Variants in ATXN1 observed in about 807,000 individuals in gnomAD.
ATXN1 encodes the protein ataxin-1.
In ATXN1, 8 loss-of-function variants were observed where a neutral mutation model predicts 56.4. That is an observed-to-expected ratio of 0.14 (90% confidence interval 0.08 to 0.26). ATXN1 has a LOEUF of 0.26. ATXN1 is among the 10% of genes least tolerant of loss of function. ATXN1 has a pLI of 1.00. For missense variants in ATXN1, 987 were observed against 1,106.5 expected (o/e 0.89, Z 1.53); for synonymous variants, 514 against 494.6 (o/e 1.04, Z -0.52).
At chr6:16,679,318 A>ATG (rs1758762022) in intron 2 of ATXN1, among the ~76,000 whole-genome samples, 2 of 72,812 alleles carry the variant, frequency 2.7e-5, no homozygotes, top group East Asian at 1.0e-3. Context: ...ATGGATGGAT[A>ATG]TATGGGTGGG....
At chr6:16,562,459 AGGAGAGGAG>A (rs1762139164) in intron 4 of ATXN1, among the ~76,000 whole-genome samples, 3 of 38,752 alleles carry the variant, frequency 7.7e-5, no homozygotes, top group African/African-American at 1.2e-4. Context: ...AGAAAAGGAG[AGGAGAGGAG>A]AGGAGAGGAG....
At chr6:16,335,291 G>A (rs1304748621) in intron 6 of ATXN1, among the ~76,000 whole-genome samples, 1 of 152,238 alleles carries the variant, frequency 6.6e-6, no homozygotes, top group Non-Finnish European at 1.5e-5. Flanking sequence ...GGCTCCTGAA[G>A]GGGACTGAAG....
chr6:16,756,016 G>A (rs1460811596), intron 1 of ATXN1, among the ~76,000 whole-genome samples: 3 of 151,954 alleles, frequency 2.0e-5, no homozygotes, highest in South Asian at 4.1e-4. Flanking sequence ...CTCTCTAAAC[G>A]TGTTTTGGTA....
At chr6:16,514,758 C>G (rs1226758201) in intron 5 of ATXN1, among the ~76,000 whole-genome samples, 1 of 151,914 alleles carries the variant, frequency 6.6e-6, no homozygotes, top group African/African-American at 2.4e-5. Context: ...CCAAGGTGGG[C>G]AGATCACGAG....
At chr6:16,544,532 A>G (rs1473603571) in intron 4 of ATXN1, among the ~76,000 whole-genome samples, 1 of 152,154 alleles carries the variant, frequency 6.6e-6, no homozygotes, top group Non-Finnish European at 1.5e-5. Context: ...TGTGTATTCA[A>G]TTCTCTGAGT....
chr6:16,381,102 C>T (rs1758099531), intron 6 of ATXN1, among the ~76,000 whole-genome samples: 1 of 152,142 alleles, frequency 6.6e-6, no homozygotes, highest in Admixed American at 6.5e-5. Context: ...CCAGTCTAGC[C>T]AACATGGTGA....
chr6:16,531,329 A>G (rs3891679), intron 4 of ATXN1, among the ~76,000 whole-genome samples: 50,476 of 152,114 alleles, frequency 0.33, 8,459 homozygotes, highest in Non-Finnish European at 0.36. Flanking sequence ...TGACTTTAAA[A>G]AGTGCAACCC....
chr6:16,522,357 T>C (rs1292247798), intron 5 of ATXN1, among the ~76,000 whole-genome samples: 1 of 152,082 alleles, frequency 6.6e-6, no homozygotes, highest in Non-Finnish European at 1.5e-5. Context: ...TTCTGTGAGC[T>C]GGACAAGGTA....
In ATXN1 at chr6:16,506,318, A is replaced by ATT; in HGVS notation, c.-299+16308_-299+16309insAA. 6.6e-6 allele frequency among the ~76,000 whole-genome samples: 1 copy of ATT among 152,290 alleles called. No homozygotes were observed. Among genetic ancestry groups the ATT allele is most frequent in the East Asian group, 1.9e-4 (1 of 5,194 alleles). On this transcript the variant is annotated intron_variant, in intron 5 of 7. Coordinates refer to ENST00000436367, the MANE Select transcript of ATXN1 (RefSeq NM_001128164.2). The surrounding 1 kb of genome is among the most constrained non-coding windows in gnomAD (Gnocchi z 4.1). ...ATGAGTCAAATGAAGAAAGTGGTTT[A>ATT]AGGGAAATGGTCATTTTCTAATGAT...
chr6:16,305,204 T>G lies in ATXN1; in HGVS notation c.*1125A>C, dbSNP rs183433679. The G allele has an allele frequency of 1.3e-3, 206 of 152,728 alleles. No homozygotes were observed. Among genetic ancestry groups the G allele is most frequent in the African/African-American group, 4.7e-3 (195 of 41,554 alleles). 9.5% of individuals were successfully genotyped at this position (152,728 alleles called of 1,614,324 possible). A position where few individuals can be genotyped will look rare whatever the true frequency, so the allele number is the denominator to read the frequency against. On this transcript the variant is annotated 3_prime_UTR_variant, in exon 8 of 8. Transcript: ENST00000436367. ...CTTGGTAATAAAGTGTGAACAGTAT[T>G]TTTAAATGCTTAAAGATAGTAATAT...
intron 4 of ATXN1, among the ~76,000 whole-genome samples, chr6:16,573,850 CCT>C (rs1239237463): frequency 1.1e-4 from 17 of 152,176 alleles, no homozygotes; most frequent in Non-Finnish European, 1.8e-4. Flanking sequence ...TGTTAAGGTC[CCT>C]GTCAGGCTTT....
At chr6:16,586,789 G>A (rs900243209) in intron 3 of ATXN1, among the ~76,000 whole-genome samples, 6 of 152,286 alleles carry the variant, frequency 3.9e-5, no homozygotes, top group Non-Finnish European at 7.4e-5. Flanking sequence ...GGGAGGCTGA[G>A]GTGGGCGGAT....
At chr6:16,347,577 C>T (rs1761445380) in intron 6 of ATXN1, among the ~76,000 whole-genome samples, 1 of 152,130 alleles carries the variant, frequency 6.6e-6, no homozygotes, top group South Asian at 2.1e-4. Context: ...CTGTGTCTAG[C>T]TCAGGGTTTG....
intron 4 of ATXN1, among the ~76,000 whole-genome samples, chr6:16,583,110 G>A (rs1406125824): frequency 2.0e-5 from 3 of 152,164 alleles, no homozygotes; most frequent in Non-Finnish European, 4.4e-5. Context: ...ATAGTCACAG[G>A]GGAATGATTT....
intron 4 of ATXN1, among the ~76,000 whole-genome samples, chr6:16,576,324 T>A (rs561707257): frequency 6.6e-6 from 1 of 152,322 alleles, no homozygotes; most frequent in East Asian, 1.9e-4. Flanking sequence ...GCCCAGCAAA[T>A]GTCCTCAGGA....
At chr6:16,626,049 C>T (rs989384025) in intron 3 of ATXN1, among the ~76,000 whole-genome samples, 1 of 152,148 alleles carries the variant, frequency 6.6e-6, no homozygotes, top group Non-Finnish European at 1.5e-5. Flanking sequence ...GTCTGCCTTT[C>T]CTGATAGACT....
intron 6 of ATXN1, among the ~76,000 whole-genome samples, chr6:16,456,684 A>T (rs1759882730): frequency 6.6e-6 from 1 of 152,174 alleles, no homozygotes. Flanking sequence ...CACCTGTCAG[A>T]CAAACTTTCT....
chr6:16,525,333 T>C (rs1444690027), intron 4 of ATXN1, among the ~76,000 whole-genome samples: 1 of 152,182 alleles, frequency 6.6e-6, no homozygotes. Flanking sequence ...TGGAATATTA[T>C]TCAGCCATAA....
chr6:16,703,729 G>C (rs546401559), intron 2 of ATXN1, among the ~76,000 whole-genome samples: 1 of 152,288 alleles, frequency 6.6e-6, no homozygotes, highest in South Asian at 2.1e-4. Context: ...TTTAAAAATG[G>C]TTAAAGTGGG....
Sources: gnomAD v4.1 joint callset for allele counts (sites outside exome capture counted in the v4.1 genomes callset) on GRCh38, gnomAD v4.1.1 for gene constraint, Gnocchi (gnomAD v3.1) non-coding constraint, MANE v1.5 for transcripts, NCBI Gene and HGNC (gene_info 2026-07-23, HGNC 2026-07-21) for gene names.